C1QTNF3: variants seen among roughly 807,000 people sequenced by gnomAD.
C1QTNF3 encodes C1q and TNF related 3.
A neutral mutation model predicts 32.6 loss-of-function variants in C1QTNF3; 26 were observed. That is an observed-to-expected ratio of 0.80 (90% CI 0.58 to 1.11). C1QTNF3 has a LOEUF of 1.11. Among genes scored for constraint, C1QTNF3 ranks in the 50% least tolerant of loss-of-function variants. The pLI is 0.00. For missense variants in C1QTNF3, 362 were observed against 398.2 expected (o/e 0.91, Z 0.77); for synonymous variants, 155 against 146.0 (o/e 1.06, Z -0.44).
At chr5:34,235,007 A>C in the C1QTNF3 span, among the ~76,000 whole-genome samples, 53 of 152,220 alleles carry the variant, frequency 3.5e-4, no homozygotes, top group African/African-American at 1.2e-3. Flanking sequence ...GTTCTTTCCT[A>C]GGTATAATTC....
the C1QTNF3 span, among the ~76,000 whole-genome samples, chr5:34,056,485 G>T: frequency 0.12 from 4,214 of 34,418 alleles, 20 homozygotes; most frequent in Non-Finnish European, 0.16. Flanking sequence ...TATATAGAGA[G>T]AGAGAGAGAG....
In C1QTNF3 at chr5:34,018,750, A is replaced by G. The variant is rs1269021168; in HGVS notation, c.*1833T>C. Among the ~76,000 whole-genome samples, 2 of 152,196 alleles carry G rather than the reference A, an allele frequency of 1.3e-5. No homozygotes were observed. The highest frequency in any genetic ancestry group is 2.9e-5 in the Non-Finnish European group (2 of 68,034). On this transcript the variant is annotated 3_prime_UTR_variant, in exon 6 of 6. Transcript: ENST00000382065. ...CACTGGAAAATTACCAAGGCTGATC[A>G]TTATGTGAAACAGTTCTACACCATA...
the C1QTNF3 span, among the ~76,000 whole-genome samples, chr5:34,178,022 T>A: frequency 3.3e-5 from 5 of 150,096 alleles, no homozygotes; most frequent in African/African-American, 9.8e-5. Context: ...ATTCCAGCAC[T>A]TTGGGAGGCC....
chr5:34,197,165 A>G, the C1QTNF3 span, among the ~76,000 whole-genome samples: 1 of 152,308 alleles, frequency 6.6e-6, no homozygotes, highest in African/African-American at 2.4e-5. Flanking sequence ...AAGAAAACCT[A>G]ATGAAAGCTA....
the C1QTNF3 span, among the ~76,000 whole-genome samples, chr5:34,114,816 T>G: frequency 1.3e-5 from 2 of 151,494 alleles, no homozygotes; most frequent in Non-Finnish European, 2.9e-5. Context: ...CACATCATTG[T>G]GCCCTGTGTC....
chr5:34,197,384 A>T, the C1QTNF3 span, among the ~76,000 whole-genome samples: 12 of 152,372 alleles, frequency 7.9e-5, no homozygotes, highest in African/African-American at 2.6e-4. Context: ...ATGCTGTCAC[A>T]GGTGCCATTC....
the C1QTNF3 span, among the ~76,000 whole-genome samples, chr5:34,121,707 A>G: frequency 6.6e-6 from 1 of 152,170 alleles, no homozygotes; most frequent in African/African-American, 2.4e-5. Flanking sequence ...ATGATATTTT[A>G]CCTGTTATGG....
chr5:34,126,257 C>T, the C1QTNF3 span, among the ~76,000 whole-genome samples: 35 of 151,812 alleles, frequency 2.3e-4, no homozygotes, highest in African/African-American at 8.2e-4. Context: ...ATAGGAAGTA[C>T]ACACAGCCAA....
chr5:34,229,002 G>T, the C1QTNF3 span, among the ~76,000 whole-genome samples: 2 of 151,472 alleles, frequency 1.3e-5, no homozygotes, highest in African/African-American at 2.4e-5. Context: ...GAAACTTCTG[G>T]GTTTATCAAT....
the C1QTNF3 span, among the ~76,000 whole-genome samples, chr5:34,242,137 C>G: frequency 1.3e-5 from 2 of 152,142 alleles, no homozygotes; most frequent in African/African-American, 4.8e-5. Flanking sequence ...CTACCAATAT[C>G]TTTCTTCACA....
chr5:34,196,958 C>T, the C1QTNF3 span, among the ~76,000 whole-genome samples: 1 of 152,312 alleles, frequency 6.6e-6, no homozygotes, highest in African/African-American at 2.4e-5. Flanking sequence ...CCACGCCTGG[C>T]CAATTTTTAT....
the C1QTNF3 span, among the ~76,000 whole-genome samples, chr5:34,100,195 T>C: frequency 1.3e-5 from 2 of 152,124 alleles, no homozygotes; most frequent in African/African-American, 4.8e-5. Context: ...TATCTTCATG[T>C]GGTAGAAGAG....
At chr5:34,142,870 G>T in the C1QTNF3 span, among the ~76,000 whole-genome samples, 1 of 152,194 alleles carries the variant, frequency 6.6e-6, no homozygotes, top group African/African-American at 2.4e-5. Flanking sequence ...AATTTAAAAA[G>T]CCAGAGTGTG....
the C1QTNF3 span, among the ~76,000 whole-genome samples, chr5:34,114,139 T>C: frequency 6.6e-6 from 1 of 152,316 alleles, no homozygotes; most frequent in South Asian, 2.1e-4. Flanking sequence ...TGGTTTTAAA[T>C]AGGATGTGTC....
the C1QTNF3 span, chr5:34,158,604 G>C: frequency 2.6e-5 from 4 of 152,100 alleles, no homozygotes; most frequent in Non-Finnish European, 4.4e-5. Context: ...TAATTATGTA[G>C]TTTCCTAGAG....
At chr5:34,045,493 T>G (rs552143252), upstream of C1QTNF3, among the ~76,000 whole-genome samples, 15 of 152,304 alleles carry the variant, frequency 9.8e-5, no homozygotes, top group African/African-American at 3.4e-4. Context: ...ATATCCATAA[T>G]TTGTTAAGCA....
chr5:34,143,890 C>T, the C1QTNF3 span, among the ~76,000 whole-genome samples: 1 of 152,134 alleles, frequency 6.6e-6, no homozygotes, highest in Admixed American at 6.6e-5. Context: ...ACATCACACT[C>T]AGCTAACAAC....
the C1QTNF3 span, among the ~76,000 whole-genome samples, chr5:34,224,615 C>G: frequency 1.3e-5 from 2 of 152,172 alleles, no homozygotes; most frequent in Non-Finnish European, 2.9e-5. Flanking sequence ...AAAGCTGAAA[C>G]TGGATCCCTT....
chr5:34,071,766 A>C, the C1QTNF3 span, among the ~76,000 whole-genome samples: 1 of 152,148 alleles, frequency 6.6e-6, no homozygotes, highest in African/African-American at 2.4e-5. Flanking sequence ...GCAAGATTCA[A>C]ACCTTAAAAG....
Sources: allele counts gnomAD v4.1 joint callset (sites outside exome capture counted in the v4.1 genomes callset), GRCh38; gene constraint gnomAD v4.1.1; transcripts MANE v1.5; gene names NCBI Gene and HGNC (gene_info 2026-07-23, HGNC 2026-07-21).